ARHGAP10: variants seen among roughly 807,000 people sequenced by gnomAD.
The protein encoded by ARHGAP10 is Rho GTPase activating protein 10.
A neutral mutation model predicts 108.6 loss-of-function variants in ARHGAP10; 87 were observed. The observed-to-expected ratio is 0.80, with a 90% confidence interval of 0.67 to 0.96. The LOEUF is 0.96. ARHGAP10 is among the 40% of genes least tolerant of loss of function. ARHGAP10 has a pLI of 0.00. For missense variants in ARHGAP10, 939 were observed against 954.5 expected (o/e 0.98, Z 0.21); for synonymous variants, 347 against 341.1 (o/e 1.02, Z -0.19).
At chr4:148,044,216 A>G (rs1243213404) in intron 19 of ARHGAP10, among the ~76,000 whole-genome samples, 1 of 152,158 alleles carries the variant, frequency 6.6e-6, no homozygotes, top group Admixed American at 6.5e-5. Context: ...GAAAAGGATT[A>G]GAGGCAGTGT....
chr4:147,903,617 C>G (rs1337095128), intron 10 of ARHGAP10, among the ~76,000 whole-genome samples: 2 of 152,164 alleles, frequency 1.3e-5, no homozygotes, highest in Non-Finnish European at 2.9e-5. Flanking sequence ...CTGTTCATCC[C>G]TTTCCCTCCA....
At chr4:147,888,482 C>G (rs1348637603) in intron 10 of ARHGAP10, among the ~76,000 whole-genome samples, 1 of 152,066 alleles carries the variant, frequency 6.6e-6, no homozygotes, top group Admixed American at 6.6e-5. Flanking sequence ...TGAATTCATT[C>G]CTACCATATA....
rs1178256407 is a variant in ARHGAP10 at position 147,798,724 on chromosome 4, ACTCTCTCTCTCTCTCTCTCTCTCTCT to A, written c.155-23970_155-23945del. ...TTACGTGAGGTCAGGAGTTTGAGAC[ACTCTCTCTCTCTCTCTCTCTCTCTCT>A]CTCTCTCTCTCTCTCTCTCTCTCTC... On this transcript the variant is annotated intron_variant, in intron 1 of 22. Transcript: ENST00000336498. Among the ~76,000 whole-genome samples, 707 of 85,564 alleles carry A rather than the reference ACTCTCTCTCTCTCTCTCTCTCTCTCT, an allele frequency of 8.3e-3. 7 individuals are homozygous for A. The highest frequency in any genetic ancestry group is 0.013 in the South Asian group (30 of 2,254). 56.1% of individuals were successfully genotyped at this position (85,564 alleles called of 152,430 possible).
intron 1 of ARHGAP10, among the ~76,000 whole-genome samples, chr4:147,772,873 G>A (rs1462608365): frequency 6.6e-6 from 1 of 152,124 alleles, no homozygotes; most frequent in African/African-American, 2.4e-5. Flanking sequence ...GATGAGTGCA[G>A]CTGTCGTATC....
chr4:148,049,363 GTA>G (rs1275863518), intron 20 of ARHGAP10, among the ~76,000 whole-genome samples: 1 of 152,226 alleles, frequency 6.6e-6, no homozygotes, highest in Non-Finnish European at 1.5e-5. Context: ...GCTGTGCTGA[GTA>G]TAAGCTGCTT....
chr4:147,909,654 A>G (rs1736653133), intron 11 of ARHGAP10, 78 bp from the exon 12 acceptor site: 6 of 1,189,636 alleles, frequency 5.0e-6, no homozygotes, highest in Middle Eastern at 2.0e-4. Context: ...TTTTTTTTGT[A>G]TGGTCCTCAG....
intron 18 of ARHGAP10, among the ~76,000 whole-genome samples, chr4:147,996,451 T>G (rs1239321066): frequency 5.3e-5 from 8 of 152,110 alleles, no homozygotes; most frequent in African/African-American, 1.9e-4. Flanking sequence ...TCTTGTGCCT[T>G]GAGAATGCTA....
chr4:148,067,708 T>C lies in ARHGAP10; in HGVS notation c.2272+3201T>C, dbSNP rs540539620. ...ATTGGTTTATGCCACCCAGTGGCCT[T>C]TGGAGAAAACAAACTGGAGGTCAGA... On this transcript the variant is annotated intron_variant, in intron 22 of 22. Transcript: ENST00000336498. Among the ~76,000 whole-genome samples the C allele has an allele frequency of 7.4e-4, 113 of 152,190 alleles. 1 individual carries two copies. The highest frequency in any genetic ancestry group is 3.9e-3 in the Admixed American group (60 of 15,276).
At chr4:147,913,269 C>G (rs1736829675) in intron 13 of ARHGAP10, 130 bp downstream of exon 13, 1 of 756,332 alleles carries the variant, frequency 1.3e-6, no homozygotes, top group African/African-American at 1.8e-5. Flanking sequence ...TTCTGAGTAT[C>G]AGAAGGATCA....
chr4:147,732,476 G>C (rs774903098), intron 1 of ARHGAP10, 21 bp downstream of exon 1: 1 of 1,608,560 alleles, frequency 6.2e-7, no homozygotes, highest in Non-Finnish European at 8.5e-7. Context: ...ACGCGGGCGC[G>C]GACGGGCTGC....
At chr4:148,060,462 C>T (rs184759568) in intron 20 of ARHGAP10, among the ~76,000 whole-genome samples, 1 of 150,928 alleles carries the variant, frequency 6.6e-6, no homozygotes, top group African/African-American at 2.4e-5. Context: ...ACCCATTACA[C>T]GACTTAAGTA....
intron 3 of ARHGAP10, among the ~76,000 whole-genome samples, chr4:147,825,414 T>C (rs1173614491): frequency 2.0e-5 from 3 of 151,040 alleles, no homozygotes; most frequent in African/African-American, 7.3e-5. Flanking sequence ...GCCATTGCAC[T>C]CCAGCCTGGG....
At chr4:147,940,203 A>G (rs1350397630) in intron 14 of ARHGAP10, among the ~76,000 whole-genome samples, 1 of 152,232 alleles carries the variant, frequency 6.6e-6, no homozygotes, top group African/African-American at 2.4e-5. Context: ...GTGGCTTCCA[A>G]ATAGCCTGTC....
chr4:147,838,001 C>T (rs1733246554), intron 3 of ARHGAP10, among the ~76,000 whole-genome samples: 1 of 152,112 alleles, frequency 6.6e-6, no homozygotes, highest in Non-Finnish European at 1.5e-5. Flanking sequence ...TGTCTCCCTT[C>T]ATCATTTACT....
intron 13 of ARHGAP10, among the ~76,000 whole-genome samples, chr4:147,921,519 G>C (rs1013063886): frequency 3.9e-5 from 6 of 152,164 alleles, no homozygotes; most frequent in Admixed American, 1.3e-4. Flanking sequence ...GTTTATGAAG[G>C]CTCTGGGTCA....
chr4:147,970,133 G>A (rs1739351159), intron 18 of ARHGAP10, among the ~76,000 whole-genome samples: 1 of 152,068 alleles, frequency 6.6e-6, no homozygotes, highest in African/African-American at 2.4e-5. Flanking sequence ...CTGCTCAGTT[G>A]GACTTCACTG....
chr4:148,019,305 A>C (rs1346027843), intron 18 of ARHGAP10, among the ~76,000 whole-genome samples: 1 of 152,240 alleles, frequency 6.6e-6, no homozygotes, highest in Non-Finnish European at 1.5e-5. Flanking sequence ...CAATTATATT[A>C]TGAATACAAA....
intron 7 of ARHGAP10, among the ~76,000 whole-genome samples, chr4:147,874,469 C>G (rs1479192271): frequency 6.6e-6 from 1 of 152,120 alleles, no homozygotes; most frequent in African/African-American, 2.4e-5. Context: ...TTTTTTCCCC[C>G]TTCTGTCTTC....
At chr4:147,930,136 C>G (rs79265259) in intron 13 of ARHGAP10, among the ~76,000 whole-genome samples, 4,824 of 152,250 alleles carry the variant, frequency 0.032, 261 homozygotes, top group African/African-American at 0.11. Context: ...AGGCAATCTG[C>G]TGGTTACTAG....
Sources: allele counts gnomAD v4.1 joint callset (sites outside exome capture counted in the v4.1 genomes callset), GRCh38; gene constraint gnomAD v4.1.1; transcripts MANE v1.5; gene names NCBI Gene and HGNC (gene_info 2026-07-23, HGNC 2026-07-21).